THSD7A: variants seen among roughly 807,000 people sequenced by gnomAD.
The protein encoded by THSD7A is thrombospondin type-1 domain-containing protein 7A.
Under a neutral mutation model 231.3 loss-of-function variants are expected in THSD7A, and 96 were observed. The observed-to-expected ratio is 0.41, with a 90% CI of 0.35 to 0.49. THSD7A has a LOEUF of 0.49. THSD7A is among the 20% of genes least tolerant of loss of function. THSD7A has a pLI of 0.05. For missense variants in THSD7A, 2,290 were observed against 2,070.2 expected (o/e 1.11, Z -2.06); for synonymous variants, 940 against 743.3 (o/e 1.26, Z -4.30).
At chr7:11,582,590 C>A (rs1482088385) in intron 4 of THSD7A, among the ~76,000 whole-genome samples, 1 of 152,100 alleles carries the variant, frequency 6.6e-6, no homozygotes, top group Non-Finnish European at 1.5e-5. Flanking sequence ...CTTTGGCAAT[C>A]TTTCAGTGAG....
intron 1 of THSD7A, among the ~76,000 whole-genome samples, chr7:11,795,298 A>G (rs1784089658): frequency 6.6e-6 from 1 of 151,966 alleles, no homozygotes; most frequent in Admixed American, 6.6e-5. Flanking sequence ...TTAGAGAGAA[A>G]AAATAATATT....
At chr7:11,550,577 G>C (rs1789587099) in intron 4 of THSD7A, among the ~76,000 whole-genome samples, 1 of 152,116 alleles carries the variant, frequency 6.6e-6, no homozygotes, top group Non-Finnish European at 1.5e-5. Context: ...GCCATCTTGT[G>C]AAGAAGGTGC....
intron 1 of THSD7A, among the ~76,000 whole-genome samples, chr7:11,827,465 T>C (rs912387483): frequency 6.6e-6 from 1 of 152,176 alleles, no homozygotes; most frequent in Admixed American, 6.5e-5. Context: ...TAAAATACTT[T>C]TTGCCACAAT....
At chr7:11,687,293 A>T (rs573848934) in intron 1 of THSD7A, among the ~76,000 whole-genome samples, 31 of 152,040 alleles carry the variant, frequency 2.0e-4, no homozygotes, top group African/African-American at 7.5e-4. Context: ...AGAAGAAGAA[A>T]TTTATATGTT....
chr7:11,735,188 C>T (rs900762926), intron 1 of THSD7A, among the ~76,000 whole-genome samples: 2 of 151,824 alleles, frequency 1.3e-5, no homozygotes, highest in Non-Finnish European at 2.9e-5. Flanking sequence ...AGTCACAACA[C>T]TTTGTCACTT....
At chr7:11,393,507 T>A (rs1783065157) in intron 23 of THSD7A, among the ~76,000 whole-genome samples, 2 of 152,190 alleles carry the variant, frequency 1.3e-5, no homozygotes, top group Non-Finnish European at 2.9e-5. Flanking sequence ...GGATGAAGAA[T>A]CATTTTGACA....
At chr7:11,461,329 A>G (rs1477088658) in intron 10 of THSD7A, among the ~76,000 whole-genome samples, 1 of 152,214 alleles carries the variant, frequency 6.6e-6, no homozygotes, top group Non-Finnish European at 1.5e-5. Context: ...AAGATGCCAA[A>G]TTTGACAATG....
intron 1 of THSD7A, among the ~76,000 whole-genome samples, chr7:11,771,609 C>T (rs1387651538): frequency 4.7e-5 from 7 of 149,320 alleles, no homozygotes; most frequent in Admixed American, 1.3e-4. Flanking sequence ...TTTTTTTTTC[C>T]TGGAGTAAAT....
rs756375799 is a variant in THSD7A at position 11,406,283 on chromosome 7, T to C, written c.4237+17A>G. ...GAAAAAATAATCAGAATATGAATTC[T>C]CCTTTGCCGTTGTTACCTGGGCAAG... On this transcript the variant is annotated intron_variant, in intron 22 of 27. Transcript: ENST00000423059. The surrounding 1 kb of genome is among the most constrained non-coding windows in gnomAD (Gnocchi z 4.7). 5.7e-6 allele frequency: 9 copies of C among 1,591,518 alleles called. No homozygotes were observed. The Admixed American group carries it at 1.6e-4, about 28-fold the overall frequency.
chr7:11,469,897 G>T lies in THSD7A; in HGVS notation c.2350C>A (p.Pro784Thr). The T allele has an allele frequency of 6.3e-7, 1 of 1,597,142 alleles. No individual in the cohort carries two copies. Among genetic ancestry groups the T allele is most frequent in the Non-Finnish European group, 8.5e-7 (1 of 1,170,326 alleles). The change falls in exon 9 of 28, where the codon CCC (proline) becomes ACC (threonine). Residue 784 changes from proline to threonine, a missense_variant. Transcript: ENST00000423059. The part of the protein sequence containing the change: ...VTPYSDWTSC[P>T]SSCKEGDSSI... ...ACCATACCTTCTTTACACGAAGAGG[G>T]GCATGATGTCCAGTCACTATATGGG...
chr7:11,461,824 G>A (rs1785514801), intron 10 of THSD7A, among the ~76,000 whole-genome samples, 187 bp downstream of exon 10: 2 of 152,154 alleles, frequency 1.3e-5, no homozygotes, highest in Admixed American at 1.3e-4. Flanking sequence ...TTGCCTTCTT[G>A]TACATCATTT....
chr7:11,405,301 A>G (rs1232060488), intron 22 of THSD7A, among the ~76,000 whole-genome samples: 1 of 152,098 alleles, frequency 6.6e-6, no homozygotes, highest in Non-Finnish European at 1.5e-5. Context: ...CTTAAATCAC[A>G]TCCTTTTATA....
intron 4 of THSD7A, among the ~76,000 whole-genome samples, chr7:11,585,938 G>T (rs7456268): frequency 0.75 from 113,917 of 151,904 alleles, 43,016 homozygotes; most frequent in Admixed American, 0.83. Context: ...TTTTTTTTTC[G>T]CGTCAATGTT....
At chr7:11,381,810 C>G (rs1782527152) in intron 24 of THSD7A, among the ~76,000 whole-genome samples, 1 of 152,310 alleles carries the variant, frequency 6.6e-6, no homozygotes, top group South Asian at 2.1e-4. Context: ...GAGCCAAAGT[C>G]TCTTCCTCCT....
chr7:11,553,162 A>G (rs1789703247), intron 4 of THSD7A, among the ~76,000 whole-genome samples: 1 of 152,090 alleles, frequency 6.6e-6, no homozygotes, highest in South Asian at 2.1e-4. Context: ...TCAGCTGCTA[A>G]GCGCACCAAA....
chr7:11,809,577 T>C (rs1784477594), intron 1 of THSD7A, among the ~76,000 whole-genome samples: 2 of 152,156 alleles, frequency 1.3e-5, no homozygotes, highest in African/African-American at 4.8e-5. Flanking sequence ...TGTATGAAAT[T>C]TTATTTTTTT....
chr7:11,774,468 G>T (rs922603181), intron 1 of THSD7A, among the ~76,000 whole-genome samples: 5 of 147,386 alleles, frequency 3.4e-5, no homozygotes, highest in South Asian at 2.2e-4. Context: ...AAGGGGTTAG[G>T]TCTCATGTTA....
intron 2 of THSD7A, among the ~76,000 whole-genome samples, chr7:11,633,942 C>T (rs1781744310): frequency 1.3e-5 from 2 of 152,126 alleles, no homozygotes; most frequent in Admixed American, 1.3e-4. Flanking sequence ...GAAGCTAAAA[C>T]ATTTTAAATT....
intron 11 of THSD7A, among the ~76,000 whole-genome samples, chr7:11,454,103 G>A (rs1394598901): frequency 6.6e-6 from 1 of 151,860 alleles, no homozygotes; most frequent in African/African-American, 2.4e-5. Flanking sequence ...TCACTTCAAA[G>A]TTAAAATGAA....
Sources: allele counts gnomAD v4.1 joint callset (sites outside exome capture counted in the v4.1 genomes callset), GRCh38; gene constraint gnomAD v4.1.1; non-coding constraint Gnocchi (gnomAD v3.1); transcripts MANE v1.5; gene names NCBI Gene and HGNC (gene_info 2026-07-23, HGNC 2026-07-21).